ATM: variants seen among roughly 807,000 people sequenced by gnomAD.
ATM encodes serine-protein kinase ATM.
Under a neutral mutation model 387.0 loss-of-function variants are expected in ATM, and 308 were observed. The ratio of observed to expected loss-of-function variants is 0.80; its 90% CI spans 0.73 to 0.87. The LOEUF (loss-of-function observed/expected upper bound fraction) is 0.87, where lower values mean the gene tolerates loss of function less well. ATM is among the 40% of genes least tolerant of loss of function. The pLI is 0.00. For synonymous variants in ATM, 1,156 were observed against 1,187.3 expected (o/e 0.97, Z 0.54); for missense variants, 3,312 against 3,560.9 (o/e 0.93, Z 1.78).
At chr11:108,231,667 G>A (rs1456784559) in intron 4 of ATM, 1 of 129,580 alleles carries the variant, frequency 7.7e-6, no homozygotes, top group Non-Finnish European at 1.6e-5. Flanking sequence ...TTGCACTCCA[G>A]CCTGGGCAAC....
intron 3 of ATM, 96 bp downstream of exon 3, chr11:108,227,984 C>T (rs1414783110): frequency 2.9e-6 from 3 of 1,044,298 alleles, no homozygotes; most frequent in Non-Finnish European, 4.3e-6. Context: ...TAACATTTAT[C>T]TTTGCTTCCT....
rs149592592 is a variant in ATM, at chr11:108,302,805, A to G, written c.5320-48A>G. 220 of 1,532,850 alleles carry G rather than the reference A, an allele frequency of 1.4e-4. 1 individual carries two copies. The African/African-American group carries it at 2.3e-3, about 16-fold the overall frequency. The allele number at this position is 1,532,850 out of a possible 1,614,324, so 95.0% of individuals were successfully genotyped here. On this transcript the variant is annotated intron_variant, in intron 35 of 62. Transcript: ENST00000675843. ...ACTCATTTTGTGTAGGAAAGGTACA[A>G]TGATTTCCACTTCTCTTATTTACAT...
chr11:108,315,093 A>G (rs622054), intron 40 of ATM, among the ~76,000 whole-genome samples: 2,136 of 152,358 alleles, frequency 0.014, 36 homozygotes, highest in Non-Finnish European at 0.02. Flanking sequence ...GTGAAAAAAT[A>G]CATGAGAACC....
intron 61 of ATM, among the ~76,000 whole-genome samples, chr11:108,358,044 T>C (rs1363560327): frequency 6.9e-6 from 1 of 144,264 alleles, no homozygotes; most frequent in Non-Finnish European, 1.5e-5. Flanking sequence ...TTGACAACTT[T>C]GAAAAAAATT....
At position 108,367,444 on chromosome 11, in the gene ATM, C is replaced by G. The variant is rs1203716161; in HGVS notation, c.*1936C>G. On this transcript the variant is annotated 3_prime_UTR_variant, in exon 63 of 63. Coordinates refer to ENST00000675843, the MANE Select transcript of ATM (RefSeq NM_000051.4). ...GTTTGATACATAGGTAGAAGTGGAA[C>G]ATTTCTCTGTCCCCCAGCTGTCATC... 1 of 201,088 alleles carries G rather than the reference C, an allele frequency of 5.0e-6. No homozygotes were observed. Among genetic ancestry groups the G allele is most frequent in the Non-Finnish European group, 1.0e-5 (1 of 97,830 alleles). 12.5% of individuals were successfully genotyped at this position (201,088 alleles called of 1,614,324 possible).
intron 42 of ATM, among the ~76,000 whole-genome samples, chr11:108,316,989 A>G (rs908396177): frequency 2.0e-5 from 3 of 151,454 alleles, no homozygotes; most frequent in Non-Finnish European, 4.4e-5. Flanking sequence ...GCTGGAGTGC[A>G]TTAGCGTGAT....
chr11:108,348,324 CATT>C (rs1330459486), intron 59 of ATM, among the ~76,000 whole-genome samples: 1 of 150,986 alleles, frequency 6.6e-6, no homozygotes, highest in African/African-American at 2.4e-5. Flanking sequence ...TAGTTTTGCT[CATT>C]ATTTTGAAGT....
At chr11:108,233,924 T>C (rs2079142450) in intron 4 of ATM, among the ~76,000 whole-genome samples, 1 of 152,176 alleles carries the variant, frequency 6.6e-6, no homozygotes, top group Non-Finnish European at 1.5e-5. Flanking sequence ...GAGGGAGATA[T>C]ATTGGGATAA....
intron 26 of ATM, among the ~76,000 whole-genome samples, chr11:108,286,137 A>G (rs2082477390): frequency 6.6e-6 from 1 of 151,654 alleles, no homozygotes; most frequent in African/African-American, 2.4e-5. Flanking sequence ...TTCAAGACCA[A>G]CCTGGCCAAC....
In ATM at chr11:108,250,792, C is replaced by T. The variant is rs1057524185; in HGVS notation, c.1327C>T (p.Leu443=). ...ATTACTGATGATACTATCTCAGCTT[C>T]TACCCCAACAGCGACATGGGGAACG... ...SPLLMILSQL[L]PQQRHGERTP... The change falls in exon 10 of 63, where the codon CTA becomes TTA. Residue 443 remains leucine, a synonymous_variant. Transcript: ENST00000675843. 1 of 1,613,444 alleles carries T rather than the reference C, an allele frequency of 6.2e-7. No individual in the cohort carries two copies. Among genetic ancestry groups the T allele is most frequent in the African/African-American group, 1.3e-5 (1 of 74,804 alleles).
intron 5 of ATM, among the ~76,000 whole-genome samples, chr11:108,240,568 T>C (rs140544363): frequency 2.0e-5 from 3 of 152,210 alleles, no homozygotes; most frequent in African/African-American, 7.2e-5. Context: ...GTGCAGCATG[T>C]TACTATACTG....
At position 108,267,140 on chromosome 11, in the gene ATM, T is replaced by C. The variant is rs141761716; in HGVS notation, c.2467-31T>C. 319 of 1,611,238 alleles carry C rather than the reference T, an allele frequency of 2.0e-4. 1 individual carries two copies. The East Asian group carries it at 6.1e-3, about 31-fold the overall frequency. On this transcript the variant is annotated intron_variant, in intron 16 of 62. Transcript: ENST00000675843. ...TACAGCATGCTCCTGCAAGAAGCCA[T>C]CTTGAACATCTTTGTTTCTCTTCCT...
Position 108,365,147 on chromosome 11 carries a change from G to C in ATM, c.8916G>C (p.Gln2972His), listed in dbSNP as rs1555151349. 1 of 1,614,218 alleles carries C rather than the reference G, an allele frequency of 6.2e-7. No homozygotes were observed. The highest frequency in any genetic ancestry group is 1.7e-5 in the Admixed American group (1 of 60,030). ...MNPLKALYLQ[Q>H]RPEDETELHP... ...CTTTGAAAGCTTTGTATTTACAGCA[G>C]AGGCCGGAAGATGAAACTGAGCTTC... Residue 2972 changes from glutamine to histidine, a missense_variant, in exon 62 of 63, where the codon CAG (glutamine) becomes CAC (histidine). Transcript: ENST00000675843.
In ATM at chr11:108,354,883, T is replaced by G. The variant is rs571828498; in HGVS notation, c.8850+9T>G. The G allele has an allele frequency of 6.2e-7, 1 of 1,607,762 alleles. No homozygotes were observed. Among genetic ancestry groups the G allele is most frequent in the East Asian group, 2.2e-5 (1 of 44,838 alleles). On this transcript the variant is annotated intron_variant, in intron 61 of 62. Coordinates refer to ENST00000675843, the MANE Select transcript of ATM (RefSeq NM_000051.4). ...TGTTAACCATTGTAGAGGTAAAGTA[T>G]TTTATAAGGAAGACTTTATTTTTTT...
intron 59 of ATM, among the ~76,000 whole-genome samples, chr11:108,348,817 G>A (rs1565570659): frequency 6.7e-6 from 1 of 150,146 alleles, no homozygotes; most frequent in Non-Finnish European, 1.5e-5. Context: ...ATTTATTGAA[G>A]TAGGAGAATT....
chr11:108,288,629 G>A (rs601111), intron 27 of ATM, among the ~76,000 whole-genome samples: 81,691 of 151,212 alleles, frequency 0.54, 22,544 homozygotes, highest in Middle Eastern at 0.74. Context: ...ATGTCTTAAA[G>A]TACTGCTTTT....
rs1555127166 is a variant in ATM, at chr11:108,335,041, G to C, written c.8083G>C (p.Gly2695Arg). 6.2e-7 allele frequency: 1 copy of C among 1,614,036 alleles called. No homozygotes were observed. The highest frequency in any genetic ancestry group is 8.5e-7 in the Non-Finnish European group (1 of 1,179,956). Residue 2695 changes from glycine (G) to arginine (R), a missense_variant, in exon 55 of 63, where the codon GGT (glycine) becomes CGT (arginine). Physicochemically the swap from Gly to Arg is moderately radical, Grantham distance 125. This residue lies in a region of ATM where 1,405 missense variants were observed against 1,604.4 expected (regional missense o/e 0.88). Transcript: ENST00000675843. ...TAAAGCAGAATTTCGCTTAGCAGGA[G>C]GTGTAAATTTACCAAAAATAATAGA... is the stretch of plus-strand genomic sequence containing the variant. ...SFKAEFRLAG[G>R]VNLPKIIDCV...
At chr11:108,248,356 C>G (rs1275443285) in intron 8 of ATM, among the ~76,000 whole-genome samples, 1 of 152,010 alleles carries the variant, frequency 6.6e-6, no homozygotes, top group African/African-American at 2.4e-5. Context: ...TTTTGCTTTA[C>G]TTTTAGATTT....
chr11:108,266,832 C>G (rs1353391282), intron 16 of ATM, among the ~76,000 whole-genome samples: 3 of 138,544 alleles, frequency 2.2e-5, no homozygotes, highest in South Asian at 2.3e-4. Flanking sequence ...CTCGCTTCGT[C>G]AAACCCAGGC....
Sources: allele counts gnomAD v4.1 joint callset (sites outside exome capture counted in the v4.1 genomes callset), GRCh38; gene constraint gnomAD v4.1.1; regional missense constraint gnomAD v4.1.1; transcripts MANE v1.5; gene names NCBI Gene and HGNC (gene_info 2026-07-23, HGNC 2026-07-21).